Variants in ARMC8 observed in about 807,000 individuals in gnomAD.
ARMC8 encodes the protein armadillo repeat-containing protein 8.
A neutral mutation model predicts 99.3 loss-of-function variants in ARMC8; 20 were observed. That is an observed-to-expected ratio of 0.20 (90% CI 0.14 to 0.29). The LOEUF is 0.29. Ranked by LOEUF, ARMC8 falls within the 10% of genes least tolerant of loss-of-function variation. ARMC8 has a pLI of 1.00. For missense variants in ARMC8, 569 were observed against 809.5 expected (o/e 0.70, Z 3.60); for synonymous variants, 263 against 278.3 (o/e 0.95, Z 0.55).
intron 6 of ARMC8, among the ~76,000 whole-genome samples, chr3:138,234,034 T>TG (rs2046200034): frequency 6.6e-6 from 1 of 151,708 alleles, no homozygotes; most frequent in African/African-American, 2.4e-5. Context: ...ACAGAATTGA[T>TG]GAAAAAAAAC....
intron 2 of ARMC8, among the ~76,000 whole-genome samples, chr3:138,220,157 TATGCTGATGATTAGGAACTA>T (rs2045313666): frequency 6.6e-6 from 1 of 152,170 alleles, no homozygotes; most frequent in South Asian, 2.1e-4. Context: ...TTAAGGTCCA[TATGCTGATGATTAGGAACTA>T]AAGCCTCTAA....
chr3:138,244,614 C>T (rs904283846), intron 11 of ARMC8, among the ~76,000 whole-genome samples: 5 of 152,200 alleles, frequency 3.3e-5, no homozygotes, highest in African/African-American at 1.2e-4. Flanking sequence ...TAGGCCAGCA[C>T]TACTCTTAAT....
chr3:138,227,539 G>A (rs192664537), intron 5 of ARMC8, among the ~76,000 whole-genome samples: 5 of 152,254 alleles, frequency 3.3e-5, no homozygotes, highest in African/African-American at 1.2e-4. Flanking sequence ...AAACACAAAG[G>A]GTTATACTAA....
chr3:138,294,626 A>G (rs2108404095), intron 21 of ARMC8, among the ~76,000 whole-genome samples: 1 of 152,350 alleles, frequency 6.6e-6, no homozygotes. Context: ...TATTGTATGC[A>G]TAGTCTACTT....
At chr3:138,287,585 TTGTC>T (rs1577035319) in intron 19 of ARMC8, 1 of 455,540 alleles carries the variant, frequency 2.2e-6, no homozygotes, top group Non-Finnish European at 4.4e-6. Flanking sequence ...TATTGATTGA[TTGTC>T]TGAGGCTGGG....
At chr3:138,256,183 AC>A (rs769192072) in intron 12 of ARMC8, among the ~76,000 whole-genome samples, 7 of 152,222 alleles carry the variant, frequency 4.6e-5, no homozygotes, top group Non-Finnish European at 8.8e-5. Flanking sequence ...CCATTTGGTT[AC>A]TATCTGCTAA....
chr3:138,246,131 G>A (rs989769647), intron 12 of ARMC8: 13 of 985,344 alleles, frequency 1.3e-5, no homozygotes, highest in Non-Finnish European at 1.6e-5. Flanking sequence ...GAGGAGTATG[G>A]AACAACCTTA....
At chr3:138,239,414 C>A in intron 9 of ARMC8, 54 bp from the exon 10 acceptor site, 1 of 1,328,912 alleles carries the variant, frequency 7.5e-7, no homozygotes, top group Non-Finnish European at 1.1e-6. Context: ...AATAATTTTT[C>A]ATTTAAAGCT....
chr3:138,267,203 C>A lies in ARMC8; in HGVS notation c.1348C>A (p.Leu450Met). 1 of 1,580,832 alleles carries A rather than the reference C, an allele frequency of 6.3e-7. No individual in the cohort carries two copies. Among genetic ancestry groups the A allele is most frequent in the Non-Finnish European group, 8.6e-7 (1 of 1,162,494 alleles). The change falls in exon 15 of 22, where the codon CTG (leucine) becomes ATG (methionine). Residue 450 changes from leucine to methionine, a missense_variant. This residue lies in a region of ARMC8 where 227 missense variants were observed against 417.9 expected (regional missense o/e 0.54). Coordinates refer to ENST00000469044, the MANE Select transcript of ARMC8 (RefSeq NM_001363941.2). ...AATCCTAGTGGTAGCATCTTCCATGCTGTGTAATCTTCTTCTTGAATTTTC... is the reference window on the plus strand; with the variant it reads ...AATCCTAGTGGTAGCATCTTCCATGATGTGTAATCTTCTTCTTGAATTTTC... The part of the protein sequence containing the change: ...DEILVVASSM[L>M]CNLLLEFSPS...
chr3:138,272,166 G>T (rs2048862991), intron 16 of ARMC8, among the ~76,000 whole-genome samples: 1 of 152,164 alleles, frequency 6.6e-6, no homozygotes, highest in African/African-American at 2.4e-5. Context: ...AGAGCTTCCT[G>T]TGTGATACAG....
intron 10 of ARMC8, among the ~76,000 whole-genome samples, chr3:138,241,079 C>G (rs981792126): frequency 1.3e-5 from 2 of 152,146 alleles, no homozygotes; most frequent in African/African-American, 4.8e-5. Context: ...TAGTAAATGT[C>G]TGTAATATTT....
intron 12 of ARMC8, chr3:138,262,580 G>C: frequency 6.2e-7 from 1 of 1,608,804 alleles, no homozygotes; most frequent in Non-Finnish European, 8.5e-7. Context: ...CTGTGTACTG[G>C]ACTCACCTGA....
In ARMC8 at chr3:138,262,282, A is replaced by G. The variant is rs950575407; in HGVS notation, c.1135-1457A>G. On this transcript the variant is annotated intron_variant, in intron 12 of 21. Transcript: ENST00000469044. ...CAATGAGGACAGAGAGTGATTGTGC[A>G]TATCAGTAAGAATGGAATTAGGTTT... 21 of 428,524 alleles carry G rather than the reference A, an allele frequency of 4.9e-5. No individual in the cohort carries two copies. The Middle Eastern group carries it at 2.6e-3, about 53-fold the overall frequency. The allele number at this position is 428,524 out of a possible 1,614,324, so 26.5% of individuals were successfully genotyped here.
At chr3:138,234,950 G>GT in intron 6 of ARMC8, 84 bp from the exon 7 acceptor site, 1 of 1,153,528 alleles carries the variant, frequency 8.7e-7, no homozygotes. Flanking sequence ...AGTGAATGTG[G>GT]TTTTCTACAT....
chr3:138,214,823 T>G (rs1398778289), intron 2 of ARMC8, among the ~76,000 whole-genome samples: 1 of 152,088 alleles, frequency 6.6e-6, no homozygotes, highest in Non-Finnish European at 1.5e-5. Context: ...ACAGCTAATT[T>G]TTGTATTTTT....
intron 19 of ARMC8, among the ~76,000 whole-genome samples, chr3:138,286,974 G>T (rs1185713466): frequency 6.6e-6 from 1 of 152,034 alleles, no homozygotes; most frequent in African/African-American, 2.4e-5. Flanking sequence ...AGTCCTATCT[G>T]CCCTTCTTCC....
chr3:138,230,155 A>G lies in ARMC8; in HGVS notation c.528+1145A>G, dbSNP rs551021939. Reference sequence around the variant, plus strand: ...GTTGACAAAGTGTGGGCCAACTCATAGGAGCAGAGATATCAAACAATGCCT... The same window carrying G: ...GTTGACAAAGTGTGGGCCAACTCATGGGAGCAGAGATATCAAACAATGCCT... On this transcript the variant is annotated intron_variant, in intron 6 of 21. Coordinates refer to ENST00000469044, the MANE Select transcript of ARMC8 (RefSeq NM_001363941.2). Among the ~76,000 whole-genome samples, 59 of 152,362 alleles carry G rather than the reference A, an allele frequency of 3.9e-4. 1 individual carries two copies. In the South Asian group the frequency reaches 0.011, roughly 29 times the overall value.
Position 138,222,264 on chromosome 3 carries a change from A to C in ARMC8, c.194+267A>C, listed in dbSNP as rs184984997. 2.6e-5 allele frequency among the ~76,000 whole-genome samples: 4 copies of C among 152,350 alleles called. No homozygotes were observed. In the East Asian group the frequency reaches 7.7e-4, roughly 29 times the overall value. On this transcript the variant is annotated intron_variant, in intron 3 of 21. Coordinates refer to ENST00000469044, the MANE Select transcript of ARMC8 (RefSeq NM_001363941.2). ...GATGACAAAAGGGTTCGTAAAGTAC[A>C]TATGCAATGTACAACAGCCTGATAC...
At chr3:138,267,583 A>G (rs964307575) in intron 15 of ARMC8, among the ~76,000 whole-genome samples, 1 of 152,226 alleles carries the variant, frequency 6.6e-6, no homozygotes, top group African/African-American at 2.4e-5. Context: ...ATAAATTAAG[A>G]CTAAATTTTG....
Sources: gnomAD v4.1 joint callset for allele counts (sites outside exome capture counted in the v4.1 genomes callset) on GRCh38, gnomAD v4.1.1 for gene constraint, gnomAD v4.1.1 regional missense constraint, MANE v1.5 for transcripts, NCBI Gene and HGNC (gene_info 2026-07-23, HGNC 2026-07-21) for gene names.